Variants in PSMD5 observed in about 807,000 individuals in gnomAD.
The protein encoded by PSMD5 is 26S proteasome non-ATPase regulatory subunit 5.
In PSMD5, 40 loss-of-function variants were observed where a neutral mutation model predicts 52.1. The observed-to-expected ratio is 0.77, with a 90% CI of 0.60 to 1.00. The LOEUF is 1.00. Ranked by LOEUF, PSMD5 falls within the 50% of genes least tolerant of loss-of-function variation. The probability of loss-of-function intolerance (pLI) is 0.00; values close to 1 mark genes in which losing one functional copy is unlikely to be tolerated. For missense variants in PSMD5, 575 were observed against 605.2 expected (o/e 0.95, Z 0.52); for synonymous variants, 211 against 226.6 (o/e 0.93, Z 0.62).
At chr9:120,835,707 C>T (rs145702693) in intron 1 of PSMD5, among the ~76,000 whole-genome samples, 2,793 of 149,890 alleles carry the variant, frequency 0.019, 44 homozygotes, top group Non-Finnish European at 0.028. Context: ...CCAGCCTAGG[C>T]GACAAGAACG....
chr9:120,831,529 T>TAAAAATAGTGC, intron 3 of PSMD5, 70 bp from the exon 4 acceptor site: 2 of 1,482,902 alleles, frequency 1.3e-6, no homozygotes, highest in South Asian at 2.6e-5. Flanking sequence ...AAGAGTGATG[T>TAAAAATAGTGC]AAAAATAGTG....
intron 3 of PSMD5, 76 bp downstream of exon 3, chr9:120,831,756 A>G (rs775566079): frequency 1.4e-4 from 216 of 1,539,746 alleles, no homozygotes; most frequent in Non-Finnish European, 1.8e-4. Flanking sequence ...TCACCTCTCA[A>G]TTCAGAAGGC....
intron 1 of PSMD5, among the ~76,000 whole-genome samples, chr9:120,835,578 A>T (rs924849190): frequency 1.3e-5 from 2 of 152,070 alleles, no homozygotes; most frequent in African/African-American, 4.8e-5. Flanking sequence ...TACAAAAAAA[A>T]TTAGCTGGGT....
intron 9 of PSMD5, 72 bp downstream of exon 9, chr9:120,820,767 C>T (rs2045077872): frequency 7.0e-7 from 1 of 1,429,782 alleles, no homozygotes; most frequent in Non-Finnish European, 9.3e-7. Context: ...GGCACAGGCT[C>T]TGGCTCACTG....
chr9:120,826,316 G>A (rs1470160805), intron 6 of PSMD5, among the ~76,000 whole-genome samples: 4 of 152,050 alleles, frequency 2.6e-5, no homozygotes, highest in East Asian at 1.9e-4. Flanking sequence ...TTAGAGGAAC[G>A]CTTTCAACTT....
Position 120,817,946 on chromosome 9 carries a change from A to C in PSMD5, c.1475T>G (p.Val492Gly), listed in dbSNP as rs1564473032. Residue 492 changes from valine (V) to glycine (G), a missense_variant, in exon 10 of 10, where the codon GTG (valine) becomes GGG (glycine). Val to Gly is a moderately radical substitution (Grantham distance 109). Coordinates refer to ENST00000210313, the MANE Select transcript of PSMD5 (RefSeq NM_005047.4). ...RTYLSEGPYYVKPVSTTAVEG... is the reference protein window; with the variant it reads ...RTYLSEGPYYGKPVSTTAVEG... Reference sequence around the variant, plus strand: ...TACTGCTGTCGTGGAAACAGGTTTCACATAGTATGGCCCTTCACTCAGGTA... The same window carrying C: ...TACTGCTGTCGTGGAAACAGGTTTCCCATAGTATGGCCCTTCACTCAGGTA... The C allele has an allele frequency of 5.6e-6, 9 of 1,614,190 alleles. No homozygotes were observed. The highest frequency in any genetic ancestry group is 6.8e-6 in the Non-Finnish European group (8 of 1,179,982).
In PSMD5 at chr9:120,821,379, T is replaced by C. The variant is rs1435689424; in HGVS notation, c.1092A>G (p.Ala364=). The stretch of plus-strand genomic sequence containing the variant: ...CTGGTAAGTACAGAAGAGATGAAAT[T>C]GCATCCAAACATCTAATTTTTAGCT... The part of the protein sequence containing the change: ...PVELKIRCLD[A]ISSLLYLPPE... The change falls in exon 8 of 10, where the codon GCA becomes GCG. Residue 364 remains alanine (A), a synonymous_variant. Transcript: ENST00000210313. 1 of 1,601,438 alleles carries C rather than the reference T, an allele frequency of 6.2e-7. No homozygotes were observed. The highest frequency in any genetic ancestry group is 1.3e-5 in the African/African-American group (1 of 74,506).
chr9:120,842,663 T>C lies in PSMD5; in HGVS notation c.173+74A>G, dbSNP rs369577252. 3.9e-6 allele frequency: 6 copies of C among 1,555,360 alleles called. No homozygotes were observed. In the African/African-American group the frequency reaches 6.8e-5, roughly 18 times the overall value. On this transcript the variant is annotated intron_variant, in intron 1 of 9. Coordinates refer to ENST00000210313, the MANE Select transcript of PSMD5 (RefSeq NM_005047.4). ...CCTGTGACTGGGAAAAGCGCTGTTC[T>C]TGCCCTCAACCACTCTCATGTCCAT...
At chr9:120,833,779 A>G (rs113640250) in intron 1 of PSMD5, among the ~76,000 whole-genome samples, 36 of 148,088 alleles carry the variant, frequency 2.4e-4, no homozygotes, top group African/African-American at 8.5e-4. Context: ...CCCAGGTTCA[A>G]GCAATTCTCC....
chr9:120,837,119 G>A (rs1353723800), intron 1 of PSMD5, among the ~76,000 whole-genome samples: 3 of 152,056 alleles, frequency 2.0e-5, no homozygotes, highest in African/African-American at 7.2e-5. Flanking sequence ...TCTATCTCCT[G>A]ACCTCGTGAT....
At chr9:120,835,048 C>T (rs1450538765) in intron 1 of PSMD5, among the ~76,000 whole-genome samples, 1 of 152,180 alleles carries the variant, frequency 6.6e-6, no homozygotes, top group East Asian at 1.9e-4. Context: ...TAGGTAACTA[C>T]ATGATACAAA....
chr9:120,837,822 T>C (rs935967421), intron 1 of PSMD5, among the ~76,000 whole-genome samples: 14 of 152,198 alleles, frequency 9.2e-5, no homozygotes, highest in African/African-American at 3.1e-4. Context: ...GCACTGTCAT[T>C]TGTAATATCT....
intron 2 of PSMD5, 109 bp downstream of exon 2, chr9:120,833,203 G>C: frequency 7.8e-7 from 1 of 1,284,896 alleles, no homozygotes; most frequent in Non-Finnish European, 1.1e-6. Flanking sequence ...GGGGGAGAAG[G>C]AAGAGGGAAG....
intron 2 of PSMD5, 96 bp downstream of exon 2, chr9:120,833,216 G>A (rs996727112): frequency 1.5e-6 from 2 of 1,368,664 alleles, no homozygotes; most frequent in Non-Finnish European, 2.0e-6. Context: ...GAGGGAAGGA[G>A]AGAGAGAAAT....
chr9:120,838,602 T>C (rs1225725874), intron 1 of PSMD5, among the ~76,000 whole-genome samples: 3 of 152,374 alleles, frequency 2.0e-5, no homozygotes, highest in South Asian at 2.1e-4. Context: ...TGGTATCTAC[T>C]ATGTATCCAG....
At chr9:120,827,376 CT>C (rs1445946225) in intron 5 of PSMD5, among the ~76,000 whole-genome samples, 3 of 152,180 alleles carry the variant, frequency 2.0e-5, no homozygotes, top group African/African-American at 7.2e-5. Flanking sequence ...CCCCTGCATA[CT>C]TTAGTATGCA....
At chr9:120,842,626 C>T (rs1262501530) in intron 1 of PSMD5, 111 bp downstream of exon 1, 9 of 1,378,266 alleles carry the variant, frequency 6.5e-6, no homozygotes, top group Non-Finnish European at 8.8e-6. Context: ...ATTTCGGCTA[C>T]TTTCCACCTC....
chr9:120,830,057 A>G (rs1308134011), intron 4 of PSMD5, among the ~76,000 whole-genome samples: 1 of 152,190 alleles, frequency 6.6e-6, no homozygotes, highest in Non-Finnish European at 1.5e-5. Context: ...GGTGAGTGAC[A>G]CCAGTAAGTT....
intron 1 of PSMD5, among the ~76,000 whole-genome samples, chr9:120,839,459 C>G (rs1019478809): frequency 1.3e-5 from 2 of 152,036 alleles, no homozygotes; most frequent in Non-Finnish European, 2.9e-5. Flanking sequence ...CACTACAGAC[C>G]TAGCAATAGG....
Sources: allele counts gnomAD v4.1 joint callset (sites outside exome capture counted in the v4.1 genomes callset), GRCh38; gene constraint gnomAD v4.1.1; transcripts MANE v1.5; gene names NCBI Gene and HGNC (gene_info 2026-07-23, HGNC 2026-07-21).